Variants in CASR observed in about 807,000 individuals in gnomAD.
The protein encoded by CASR is extracellular calcium-sensing receptor.
CASR carries 23 observed loss-of-function variants against 69.1 expected under a neutral mutation model. The observed-to-expected ratio is 0.33, with a 90% CI of 0.24 to 0.47. CASR has a LOEUF of 0.47. Among genes scored for constraint, CASR ranks in the 20% least tolerant of loss-of-function variants. The pLI, the probability that CASR is intolerant of heterozygous loss-of-function variation, is 1.00. For synonymous variants in CASR, 541 were observed against 544.7 expected, an observed-to-expected ratio of 0.99 and a Z score of 0.10; for missense variants, 924 against 1,356.1, an observed-to-expected ratio of 0.68 and a Z score of 5.00.
chr3:122,249,312 A>G (rs951763399), intron 1 of CASR, among the ~76,000 whole-genome samples: 5 of 152,224 alleles, frequency 3.3e-5, no homozygotes, highest in African/African-American at 1.2e-4. Context: ...ATGCCTCTTT[A>G]TAACATTTAG....
In CASR at chr3:122,262,242, A is replaced by C. The variant is rs779219555; in HGVS notation, c.1207A>C (p.Ser403Arg). The change falls in exon 4 of 7, where the codon AGT (serine) becomes CGT (arginine). Residue 403 changes from serine (S) to arginine (R), a missense_variant. Ser to Arg is a moderately radical substitution (Grantham distance 110). Around this residue, in one of 8 missense-constraint regions of CASR, gnomAD observed 310 missense variants for 395.7 expected, o/e 0.78. Coordinates refer to ENST00000639785, the MANE Select transcript of CASR (RefSeq NM_000388.4). ...CTGTACAGGGGATGAGAACATCAGC[A>C]GTGTCGAGACCCCTTACATAGATTA... ...PLCTGDENIS[S>R]VETPYIDYTH... 6.2e-7 allele frequency: 1 copy of C among 1,614,232 alleles called. No individual in the cohort carries two copies. Among genetic ancestry groups the C allele is most frequent in the Non-Finnish European group, 8.5e-7 (1 of 1,180,024 alleles).
intron 1 of CASR, among the ~76,000 whole-genome samples, chr3:122,211,629 G>A (rs2074067242): frequency 1.3e-5 from 2 of 152,156 alleles, no homozygotes; most frequent in South Asian, 4.1e-4. Flanking sequence ...AAGTGCCTGA[G>A]CCTGGGAGGT....
At chr3:122,232,124 A>T (rs1204672358) in intron 1 of CASR, among the ~76,000 whole-genome samples, 1 of 152,138 alleles carries the variant, frequency 6.6e-6, no homozygotes, top group African/African-American at 2.4e-5. Flanking sequence ...TTATATTGCA[A>T]CCCCAAGAAA....
Position 122,261,788 on chromosome 3 carries a change from G to A in CASR, c.753G>A (p.Glu251=). The change falls in exon 4 of 7, where the codon GAG becomes GAA. Residue 251 remains glutamate, a synonymous_variant. Transcript: ENST00000639785. ...TCTCCCAGTACTCTGATGAGGAAGAGATCCAGCATGTGGTAGAGGTGATTC... is the reference window on the plus strand; with the variant it reads ...TCTCCCAGTACTCTGATGAGGAAGAAATCCAGCATGTGGTAGAGGTGATTC... ...ELISQYSDEE[E]IQHVVEVIQN... is the part of the protein sequence containing the mutation. 6.2e-7 allele frequency: 1 copy of A among 1,614,254 alleles called. No individual in the cohort carries two copies. The highest frequency in any genetic ancestry group is 8.5e-7 in the Non-Finnish European group (1 of 1,180,044).
intron 1 of CASR, among the ~76,000 whole-genome samples, chr3:122,190,457 T>C (rs973545985): frequency 1.3e-5 from 2 of 152,214 alleles, no homozygotes; most frequent in African/African-American, 4.8e-5. Flanking sequence ...AGCTTGTATC[T>C]CAGTTTGACA....
chr3:122,266,923 G>T (rs2074701601), intron 4 of CASR, among the ~76,000 whole-genome samples: 1 of 152,172 alleles, frequency 6.6e-6, no homozygotes, highest in African/African-American at 2.4e-5. Context: ...AGAATTGCTT[G>T]AACCTAGAAA....
chr3:122,230,525 A>AC lies in CASR; in HGVS notation c.-242-23421dup, dbSNP rs776266340. Among the ~76,000 whole-genome samples, 21 of 152,192 alleles carry AC rather than the reference A, an allele frequency of 1.4e-4. No individual in the cohort carries two copies. The South Asian group carries it at 1.7e-3, about 12-fold the overall frequency. On this transcript the variant is annotated intron_variant, in intron 1 of 6. Coordinates refer to ENST00000639785, the MANE Select transcript of CASR (RefSeq NM_000388.4). ...CTGAGGGGCTTCCCCTCTCTGCGCC[A>AC]CCATCCCCCACCCCCTGCAACAGGG... is the stretch of plus-strand genomic sequence containing the variant.
chr3:122,255,703 A>G (rs562609302), intron 2 of CASR, among the ~76,000 whole-genome samples: 4 of 152,340 alleles, frequency 2.6e-5, no homozygotes, highest in East Asian at 1.9e-4. Flanking sequence ...AAAATCTGTA[A>G]TATTTCATAA....
chr3:122,259,627 A>AT (rs2074597093), intron 3 of CASR, among the ~76,000 whole-genome samples: 2 of 91,488 alleles, frequency 2.2e-5, no homozygotes, highest in Non-Finnish European at 2.4e-5. Context: ...ACACATTGGA[A>AT]ATTTTTTTTT....
chr3:122,224,223 A>T (rs1381611041), intron 1 of CASR, among the ~76,000 whole-genome samples: 4 of 152,226 alleles, frequency 2.6e-5, no homozygotes, highest in Non-Finnish European at 5.9e-5. Flanking sequence ...AATAAAAGGC[A>T]TCTAAATAGG....
chr3:122,230,493 T>G (rs959245597), intron 1 of CASR, among the ~76,000 whole-genome samples: 4 of 152,094 alleles, frequency 2.6e-5, no homozygotes, highest in South Asian at 2.1e-4. Flanking sequence ...GAAAGCAACC[T>G]CCTTCCCTGA....
At chr3:122,282,358 G>A in intron 6 of CASR, 122 bp downstream of exon 6, 1 of 950,970 alleles carries the variant, frequency 1.1e-6, no homozygotes, top group Non-Finnish European at 1.7e-6. Flanking sequence ...TTTAACAAAG[G>A]TATATCTGAG....
chr3:122,189,280 A>G (rs916772818), intron 1 of CASR, among the ~76,000 whole-genome samples: 1 of 152,208 alleles, frequency 6.6e-6, no homozygotes, highest in Non-Finnish European at 1.5e-5. Flanking sequence ...AGCTAAGGTA[A>G]TGTCTCCTTC....
In CASR at chr3:122,279,780, C is replaced by A. The variant is rs145834125; in HGVS notation, c.1609-2333C>A. On this transcript the variant is annotated intron_variant, in intron 5 of 6. Transcript: ENST00000639785. ...CACTTTACCTTGATAAAGGATACAG[C>A]AACCATCATTCTTTTTTCATTGTAT... Among the ~76,000 whole-genome samples, 790 of 152,266 alleles carry A rather than the reference C, an allele frequency of 5.2e-3. 8 individuals carry two copies. Among genetic ancestry groups the A allele is most frequent in the African/African-American group, 0.018 (752 of 41,540 alleles).
chr3:122,210,385 A>C (rs1186467797), intron 1 of CASR, among the ~76,000 whole-genome samples: 1 of 152,212 alleles, frequency 6.6e-6, no homozygotes, highest in Non-Finnish European at 1.5e-5. Context: ...CAACTTCAGC[A>C]AAGTCTCAGG....
At chr3:122,225,811 A>G (rs190494541) in intron 1 of CASR, among the ~76,000 whole-genome samples, 1 of 152,350 alleles carries the variant, frequency 6.6e-6, no homozygotes, top group East Asian at 1.9e-4. Flanking sequence ...GAGCAAAGAC[A>G]TGGAGTCAAC....
intron 1 of CASR, among the ~76,000 whole-genome samples, chr3:122,248,082 G>A (rs918006467): frequency 7.9e-5 from 12 of 152,216 alleles, no homozygotes; most frequent in Non-Finnish European, 2.9e-5. Context: ...AGCAGAAGCC[G>A]GGCTTGGGCT....
In CASR at chr3:122,282,168, T is replaced by C. The variant is rs1576875819; in HGVS notation, c.1664T>C (p.Ile555Thr). ...CTGGCAGGGACCAGGAAAGGGATCATTGAGGGGGAGCCCACCTGCTGCTTT... is the reference window on the plus strand; with the variant it reads ...CTGGCAGGGACCAGGAAAGGGATCACTGAGGGGGAGCCCACCTGCTGCTTT... Reference protein sequence around the residue: ...DCLAGTRKGIIEGEPTCCFEC... With the variant: ...DCLAGTRKGITEGEPTCCFEC... The change falls in exon 6 of 7, where the codon ATT becomes ACT. Residue 555 changes from isoleucine to threonine, a missense_variant. Physicochemically the swap from Ile to Thr is moderately conservative, Grantham distance 89 (BLOSUM62 -1). Around this residue, in one of 8 missense-constraint regions of CASR, gnomAD observed 310 missense variants for 395.7 expected, o/e 0.78. Coordinates refer to ENST00000639785, the MANE Select transcript of CASR (RefSeq NM_000388.4). The C allele has an allele frequency of 6.2e-7, 1 of 1,614,206 alleles. No individual in the cohort carries two copies. The highest frequency in any genetic ancestry group is 8.5e-7 in the Non-Finnish European group (1 of 1,180,022).
chr3:122,199,724 T>C (rs1576816858), intron 1 of CASR, among the ~76,000 whole-genome samples: 1 of 151,848 alleles, frequency 6.6e-6, no homozygotes, highest in African/African-American at 2.4e-5. Flanking sequence ...TACTAGAGGG[T>C]AGGAAGGATG....
Sources: allele counts gnomAD v4.1 joint callset (sites outside exome capture counted in the v4.1 genomes callset), GRCh38; gene constraint gnomAD v4.1.1; regional missense constraint gnomAD v4.1.1; transcripts MANE v1.5; gene names NCBI Gene and HGNC (gene_info 2026-07-23, HGNC 2026-07-21).